RSU1: variants seen among roughly 807,000 people sequenced by gnomAD.
RSU1 encodes Ras suppressor protein 1.
A neutral mutation model predicts 31.1 loss-of-function variants in RSU1; 26 were observed. The ratio of observed to expected loss-of-function variants is 0.84; its 90% confidence interval spans 0.61 to 1.16. The LOEUF (loss-of-function observed/expected upper bound fraction) is 1.16. Among genes scored for constraint, RSU1 ranks in the 50% most tolerant of loss-of-function variants. RSU1 has a pLI of 0.00. For synonymous variants in RSU1, 164 were observed against 136.3 expected (o/e 1.20, Z -1.41); for missense variants, 320 against 339.1 (o/e 0.94, Z 0.44).
At chr10:16,696,791 T>C (rs889560713) in intron 7 of RSU1, among the ~76,000 whole-genome samples, 1 of 152,206 alleles carries the variant, frequency 6.6e-6, no homozygotes, top group Non-Finnish European at 1.5e-5. Flanking sequence ...TCTGCTTAGC[T>C]GAGTATCTCA....
At chr10:16,812,379 C>A (rs776542948) in intron 2 of RSU1, among the ~76,000 whole-genome samples, 38 of 152,100 alleles carry the variant, frequency 2.5e-4, no homozygotes, top group Non-Finnish European at 4.6e-4. Flanking sequence ...GAGGTGGAGG[C>A]TGCAGTGAGC....
chr10:16,643,426 T>C (rs2131503817), intron 8 of RSU1, among the ~76,000 whole-genome samples: 1 of 152,316 alleles, frequency 6.6e-6, no homozygotes, highest in South Asian at 2.1e-4. Context: ...GAAGCTTTAT[T>C]TATAATAATG....
chr10:16,663,442 A>G (rs1300129771), intron 8 of RSU1, among the ~76,000 whole-genome samples: 2 of 152,216 alleles, frequency 1.3e-5, no homozygotes, highest in Admixed American at 1.3e-4. Flanking sequence ...GAGCTGTATC[A>G]AGCAAGACTC....
intron 2 of RSU1, among the ~76,000 whole-genome samples, chr10:16,796,031 T>C (rs1838023536): frequency 6.6e-6 from 1 of 152,162 alleles, no homozygotes; most frequent in Admixed American, 6.5e-5. Context: ...CAGGAGGAGC[T>C]GGAATCCTAA....
At chr10:16,609,015 T>C (rs2131466191) in intron 8 of RSU1, among the ~76,000 whole-genome samples, 1 of 152,042 alleles carries the variant, frequency 6.6e-6, no homozygotes, top group African/African-American at 2.4e-5. Flanking sequence ...AAATATTTTG[T>C]AGAGATAGGG....
chr10:16,814,603 G>A (rs1838487904), intron 2 of RSU1, among the ~76,000 whole-genome samples: 1 of 152,150 alleles, frequency 6.6e-6, no homozygotes, highest in Non-Finnish European at 1.5e-5. Context: ...GAGCATCCTG[G>A]AACCCCCTAG....
intron 8 of RSU1, among the ~76,000 whole-genome samples, chr10:16,605,222 G>C (rs2131462201): frequency 6.6e-6 from 1 of 152,230 alleles, no homozygotes; most frequent in Middle Eastern, 3.4e-3. Flanking sequence ...GAGTTCCCGA[G>C]CCAGGCCATC....
At chr10:16,816,147 C>T (rs11254221) in intron 2 of RSU1, among the ~76,000 whole-genome samples, 7 of 152,202 alleles carry the variant, frequency 4.6e-5, no homozygotes, top group African/African-American at 9.7e-5. Context: ...TAGTAGCCAA[C>T]ATCTAAAAAT....
At chr10:16,789,441 G>GA (rs1199191330) in intron 2 of RSU1, among the ~76,000 whole-genome samples, 7 of 152,180 alleles carry the variant, frequency 4.6e-5, no homozygotes, top group Non-Finnish European at 8.8e-5. Flanking sequence ...GAAGCTGAAA[G>GA]AATCAACAGA....
intron 7 of RSU1, among the ~76,000 whole-genome samples, chr10:16,713,562 T>G (rs1284541513): frequency 3.3e-5 from 5 of 152,226 alleles, no homozygotes; most frequent in Admixed American, 6.5e-5. Flanking sequence ...CACTTATCTT[T>G]GTTGCATTTC....
chr10:16,594,656 T>C (rs1443603850), intron 8 of RSU1, among the ~76,000 whole-genome samples: 2 of 143,154 alleles, frequency 1.4e-5, no homozygotes, highest in African/African-American at 5.5e-5. Context: ...ATGATATATA[T>C]CATATATTAT....
chr10:16,610,443 C>T (rs753615555), intron 8 of RSU1, among the ~76,000 whole-genome samples: 12 of 152,292 alleles, frequency 7.9e-5, no homozygotes, highest in South Asian at 2.1e-4. Context: ...GGTACCTAAC[C>T]GCAGCCTGTT....
intron 2 of RSU1, among the ~76,000 whole-genome samples, chr10:16,783,046 G>C (rs912942903): frequency 1.3e-5 from 2 of 151,932 alleles, no homozygotes; most frequent in Non-Finnish European, 2.9e-5. Context: ...GTGTAGCTGA[G>C]ATCACAGGTG....
Position 16,685,308 on chromosome 10 carries a change from G to A in RSU1, c.731+9715C>T, listed in dbSNP as rs78069053. 5.8e-4 allele frequency among the ~76,000 whole-genome samples: 88 copies of A among 152,232 alleles called. No individual in the cohort carries two copies. The East Asian group carries it at 0.015, about 26-fold the overall frequency. Reference sequence around the variant, plus strand: ...AATGAACTGTTACAGGAAAGGGGTCGCGATCCAGACCCTAAGAGAGAATTC... The same window carrying A: ...AATGAACTGTTACAGGAAAGGGGTCACGATCCAGACCCTAAGAGAGAATTC... On this transcript the variant is annotated intron_variant, in intron 8 of 8. Coordinates refer to ENST00000345264, the MANE Select transcript of RSU1 (RefSeq NM_012425.4).
At chr10:16,768,609 G>A (rs903692760) in intron 3 of RSU1, among the ~76,000 whole-genome samples, 4 of 152,150 alleles carry the variant, frequency 2.6e-5, no homozygotes, top group Admixed American at 1.3e-4. Context: ...AAGGTGACAA[G>A]GATGTGGTCA....
intron 8 of RSU1, among the ~76,000 whole-genome samples, chr10:16,668,409 A>G (rs1049309463): frequency 2.6e-5 from 4 of 152,236 alleles, no homozygotes; most frequent in Non-Finnish European, 5.9e-5. Flanking sequence ...CCAGTGGTTG[A>G]GAAGATCCTG....
intron 8 of RSU1, among the ~76,000 whole-genome samples, chr10:16,615,929 T>C (rs1370325653): frequency 6.6e-6 from 1 of 152,074 alleles, no homozygotes; most frequent in Non-Finnish European, 1.5e-5. Context: ...GCTGGAAAGA[T>C]CTGAAATCAA....
rs1833529333 is a variant in RSU1 at position 16,592,704 on chromosome 10, T to TAGAA, written c.*686_*689dup. On this transcript the variant is annotated 3_prime_UTR_variant, in exon 9 of 9. Coordinates refer to ENST00000345264, the MANE Select transcript of RSU1 (RefSeq NM_012425.4). ...AGATTTGTTTTTCTGCTTCCTAATT[T>TAGAA]AGAAAGTCTTCAAAGAAAAAAAAAA... 6.6e-6 allele frequency: 1 copy of TAGAA among 151,824 alleles called. No individual in the cohort carries two copies. Among genetic ancestry groups the TAGAA allele is most frequent in the South Asian group, 2.1e-4 (1 of 4,826 alleles). 9.4% of individuals were successfully genotyped at this position (151,824 alleles called of 1,614,324 possible).
At chr10:16,772,630 G>A (rs74128270) in intron 3 of RSU1, among the ~76,000 whole-genome samples, 4,097 of 110,524 alleles carry the variant, frequency 0.037, 231 homozygotes, top group African/African-American at 0.15. Flanking sequence ...AAAGAGAGAG[G>A]AGTAGAATAT....
Sources: allele counts gnomAD v4.1 joint callset (sites outside exome capture counted in the v4.1 genomes callset), GRCh38; gene constraint gnomAD v4.1.1; transcripts MANE v1.5; gene names NCBI Gene and HGNC (gene_info 2026-07-23, HGNC 2026-07-21).